Variants in NBEAL1 observed in about 807,000 individuals in gnomAD.
The protein encoded by NBEAL1 is neurobeachin like 1.
A neutral mutation model predicts 351.3 loss-of-function variants in NBEAL1; 273 were observed. The observed-to-expected ratio is 0.78, with a 90% CI of 0.70 to 0.86. NBEAL1 has a LOEUF of 0.86. Ranked by LOEUF, NBEAL1 falls within the 40% of genes least tolerant of loss-of-function variation. The pLI, the probability that NBEAL1 is intolerant of heterozygous loss-of-function variation, is 0.00. For missense variants in NBEAL1, 2,961 were observed against 3,201.3 expected, an observed-to-expected ratio of 0.92 and a Z score of 1.81; for synonymous variants, 1,050 against 1,086.4, an observed-to-expected ratio of 0.97 and a Z score of 0.66.
intron 25 of NBEAL1, 58 bp downstream of exon 25, chr2:203,130,534 TC>T: frequency 1.7e-6 from 2 of 1,156,706 alleles, no homozygotes; most frequent in Non-Finnish European, 2.2e-6. Flanking sequence ...ATATGAATTT[TC>T]TTGCAATATA....
At chr2:203,020,121 A>T (rs918929779) in intron 2 of NBEAL1, among the ~76,000 whole-genome samples, 1 of 152,220 alleles carries the variant, frequency 6.6e-6, no homozygotes, top group Non-Finnish European at 1.5e-5. Context: ...GCTAATTAAC[A>T]TATCTGTCAC....
At position 203,193,832 on chromosome 2, in the gene NBEAL1, T is replaced by G. The variant is rs775867295; in HGVS notation, c.6959T>G (p.Val2320Gly). ...HPPRLSAEEA[V>G]QKPTKIDTST... ...CCAAGATTATCAGCAGAAGAAGCAG[T>G]GCAGAAGCCAACCAAAATAGACACT... The change falls in exon 47 of 56, where the codon GTG becomes GGG. Residue 2320 changes from valine to glycine, a missense_variant. Coordinates refer to ENST00000683969, the MANE Select transcript of NBEAL1 (RefSeq NM_001378026.1). The G allele has an allele frequency of 1.2e-6, 2 of 1,613,000 alleles. No individual in the cohort carries two copies. The highest frequency in any genetic ancestry group is 1.7e-6 in the Non-Finnish European group (2 of 1,179,424).
At chr2:203,140,317 G>T (rs1291049532) in intron 31 of NBEAL1, among the ~76,000 whole-genome samples, 1 of 148,194 alleles carries the variant, frequency 6.7e-6, no homozygotes, top group Non-Finnish European at 1.5e-5. Flanking sequence ...AAAAAAAAAA[G>T]AAAATACACA....
chr2:203,207,251 A>G (rs4276007), intron 51 of NBEAL1, among the ~76,000 whole-genome samples: 130,897 of 148,560 alleles, frequency 0.88, 58,738 homozygotes, highest in Non-Finnish European at 0.96. Flanking sequence ...AGTGAAGAGC[A>G]TCTCCGCCCG....
intron 6 of NBEAL1, among the ~76,000 whole-genome samples, chr2:203,059,981 A>G (rs2061471588): frequency 6.6e-6 from 1 of 152,210 alleles, no homozygotes; most frequent in Non-Finnish European, 1.5e-5. Context: ...TAAGGAAAGT[A>G]TATCTCCTCC....
intron 34 of NBEAL1, among the ~76,000 whole-genome samples, chr2:203,150,541 G>A (rs1248088235): frequency 6.6e-6 from 1 of 151,880 alleles, no homozygotes; most frequent in Non-Finnish European, 1.5e-5. Flanking sequence ...ATACAGGAAA[G>A]TTTTTAATTT....
intron 53 of NBEAL1, among the ~76,000 whole-genome samples, chr2:203,209,587 A>G (rs1395354203): frequency 6.6e-6 from 1 of 152,144 alleles, no homozygotes; most frequent in Non-Finnish European, 1.5e-5. Context: ...GGATTTTTTA[A>G]GCTTAAGTGG....
In NBEAL1 at chr2:203,218,311, C is replaced by T. The variant is rs2065918472; in HGVS notation, c.*957C>T. 1 of 79,960 alleles carries T rather than the reference C, an allele frequency of 1.3e-5. No homozygotes were observed. The highest frequency in any genetic ancestry group is 3.6e-5 in the African/African-American group (1 of 28,116). The allele number at this position is 79,960 out of a possible 1,614,324, so 5.0% of individuals were successfully genotyped here. Reference sequence around the variant, plus strand: ...TCTATTTCATGTTTTAGGATTATAGCTAATTTTATTATATAGTGTTAAATG... The same window carrying T: ...TCTATTTCATGTTTTAGGATTATAGTTAATTTTATTATATAGTGTTAAATG... On this transcript the variant is annotated 3_prime_UTR_variant, in exon 56 of 56. Transcript: ENST00000683969.
At chr2:203,173,136 C>G (rs2064376245) in intron 41 of NBEAL1, among the ~76,000 whole-genome samples, 2 of 152,152 alleles carry the variant, frequency 1.3e-5, no homozygotes, top group East Asian at 3.9e-4. Context: ...GTAATAAATT[C>G]TTGAAATTTT....
chr2:203,183,365 A>T lies in NBEAL1; in HGVS notation c.6682A>T (p.Ile2228Phe). The T allele has an allele frequency of 6.3e-7, 1 of 1,581,980 alleles. No individual in the cohort carries two copies. Among genetic ancestry groups the T allele is most frequent in the Non-Finnish European group, 8.6e-7 (1 of 1,160,740 alleles). Reference protein sequence around the residue: ...PKWAKSAEDFIYKHRKALESE... With the variant: ...PKWAKSAEDFFYKHRKALESE... ...ATGGGCTAAATCAGCTGAAGATTTCATCTATAAACATAGGAAAGCTTTGGT... is the reference window on the plus strand; with the variant it reads ...ATGGGCTAAATCAGCTGAAGATTTCTTCTATAAACATAGGAAAGCTTTGGT... The change falls in exon 44 of 56, where the codon ATC (isoleucine) becomes TTC (phenylalanine). Residue 2228 changes from isoleucine (I) to phenylalanine (F), a missense_variant. Transcript: ENST00000683969.
intron 18 of NBEAL1, 38 bp from the exon 19 acceptor site, chr2:203,122,216 C>A: frequency 8.5e-7 from 1 of 1,171,270 alleles, no homozygotes; most frequent in South Asian, 1.5e-5. Flanking sequence ...ATGTTTTGTT[C>A]TAATTGGTTG....
At chr2:203,155,263 ATTG>A (rs1559411794) in intron 35 of NBEAL1, among the ~76,000 whole-genome samples, 5 of 150,222 alleles carry the variant, frequency 3.3e-5, no homozygotes, top group African/African-American at 1.2e-4. Context: ...AAAAAAAAAA[ATTG>A]ATTTAAGAAA....
At chr2:203,100,136 T>C (rs2062281723) in intron 12 of NBEAL1, among the ~76,000 whole-genome samples, 2 of 152,228 alleles carry the variant, frequency 1.3e-5, no homozygotes, top group East Asian at 3.8e-4. Flanking sequence ...TACTACATTT[T>C]CTTTATCCAG....
intron 2 of NBEAL1, among the ~76,000 whole-genome samples, chr2:203,027,889 A>AT (rs879821534): frequency 4.5e-4 from 65 of 143,906 alleles, no homozygotes; most frequent in Admixed American, 7.0e-4. Context: ...TTTCTGAACA[A>AT]TTTTTTTTTT....
chr2:203,106,537 G>A (rs1341081986), intron 12 of NBEAL1, among the ~76,000 whole-genome samples: 1 of 152,110 alleles, frequency 6.6e-6, no homozygotes, highest in Non-Finnish European at 1.5e-5. Flanking sequence ...ATAATGGATT[G>A]CCTGTACTGT....
chr2:203,029,884 C>A (rs2060923575), intron 2 of NBEAL1, among the ~76,000 whole-genome samples: 1 of 152,062 alleles, frequency 6.6e-6, no homozygotes, highest in South Asian at 2.1e-4. Context: ...AAAATTTTTG[C>A]CTTCTTCTAT....
chr2:203,055,448 G>A (rs1259836574), intron 4 of NBEAL1, among the ~76,000 whole-genome samples: 1 of 151,956 alleles, frequency 6.6e-6, no homozygotes, highest in Admixed American at 6.6e-5. Flanking sequence ...AACAAAAAAT[G>A]TAAAAAGGTA....
rs1413049281 is a variant in NBEAL1 at position 203,149,146 on chromosome 2, A to G, written c.5460A>G (p.Lys1820=). 6.3e-7 allele frequency: 1 copy of G among 1,593,740 alleles called. No homozygotes were observed. The highest frequency in any genetic ancestry group is 8.6e-7 in the Non-Finnish European group (1 of 1,169,390). ...CATGTGAAAGGGGACCTTGGGCTAA[A>G]AGGTAAGAGGATATAATTTTATTAA... ...YLTCERGPWA[K]RKQNPIHWKL... Residue 1820 remains lysine, a splice_region_variant and synonymous_variant, in exon 34 of 56, where the codon AAA becomes AAG. Transcript: ENST00000683969.
rs374213300 is a variant in NBEAL1, at chr2:203,126,578, G to A, written c.3007G>A (p.Val1003Ile). 13 of 1,485,994 alleles carry A rather than the reference G, an allele frequency of 8.7e-6. No homozygotes were observed. The African/African-American group carries it at 1.8e-4, about 21-fold the overall frequency. The allele number at this position is 1,485,994 out of a possible 1,614,324, so 92.1% of individuals were successfully genotyped here. A position where few individuals can be genotyped will look rare whatever the true frequency, so the allele number is the denominator to read the frequency against. Residue 1003 changes from valine to isoleucine, a missense_variant, in exon 22 of 56, where the codon GTT becomes ATT. Coordinates refer to ENST00000683969, the MANE Select transcript of NBEAL1 (RefSeq NM_001378026.1). Reference protein sequence around the residue: ...LQKVPSTLMDVNVLMAVQLLI... With the variant: ...LQKVPSTLMDINVLMAVQLLI... ...TCAGGTGCCAAGCACCTTGATGGAT[G>A]TTAATGTGTTGATGGCAGTTCAGTT...
Sources: allele counts gnomAD v4.1 joint callset (sites outside exome capture counted in the v4.1 genomes callset), GRCh38; gene constraint gnomAD v4.1.1; transcripts MANE v1.5; gene names NCBI Gene and HGNC (gene_info 2026-07-23, HGNC 2026-07-21).